AQR: variants seen among roughly 807,000 people sequenced by gnomAD.
AQR encodes RNA helicase aquarius.
AQR carries 61 observed loss-of-function variants against 180.5 expected under a neutral mutation model. The observed-to-expected ratio is 0.34, with a 90% CI of 0.28 to 0.42. The LOEUF is 0.42. AQR is among the 10% of genes least tolerant of loss of function. AQR has a pLI of 1.00. For missense variants in AQR, 1,281 were observed against 1,798.3 expected, an observed-to-expected ratio of 0.71 and a Z score of 5.20; for synonymous variants, 551 against 588.8, an observed-to-expected ratio of 0.94 and a Z score of 0.93.
intron 17 of AQR, among the ~76,000 whole-genome samples, chr15:34,909,841 A>G (rs1401191965): frequency 6.6e-6 from 1 of 152,160 alleles, no homozygotes; most frequent in East Asian, 1.9e-4. Context: ...TAAATTTAAG[A>G]CTTAAAATGC....
chr15:34,865,065 T>C (rs1453423668), intron 32 of AQR, among the ~76,000 whole-genome samples: 1 of 151,964 alleles, frequency 6.6e-6, no homozygotes, highest in Non-Finnish European at 1.5e-5. Context: ...AAACAAAGGA[T>C]GGTAACATGA....
At chr15:34,860,005 C>T in intron 34 of AQR, 37 bp downstream of exon 34, 2 of 1,105,878 alleles carry the variant, frequency 1.8e-6, no homozygotes, top group Non-Finnish European at 2.5e-6. Flanking sequence ...ATTATTTCTA[C>T]AGCAAGAAAA....
At chr15:34,867,721 A>C in intron 31 of AQR, 112 bp from the exon 32 acceptor site, 1 of 734,292 alleles carries the variant, frequency 1.4e-6, no homozygotes, top group Non-Finnish European at 2.3e-6. Flanking sequence ...ATCCCAAAAG[A>C]AACATAATCA....
At chr15:34,888,026 G>A (rs930396411) in intron 24 of AQR, among the ~76,000 whole-genome samples, 2 of 152,160 alleles carry the variant, frequency 1.3e-5, no homozygotes, top group East Asian at 1.9e-4. Flanking sequence ...GGCCGGGCAC[G>A]GTGGCTCACG....
At chr15:34,951,807 G>A (rs1225120805) in intron 4 of AQR, among the ~76,000 whole-genome samples, 1 of 151,990 alleles carries the variant, frequency 6.6e-6, no homozygotes, top group Non-Finnish European at 1.5e-5. Flanking sequence ...GTAGCCTCTT[G>A]ATTTTAATCT....
chr15:34,939,803 A>G (rs1055028849), intron 8 of AQR, among the ~76,000 whole-genome samples: 1 of 152,218 alleles, frequency 6.6e-6, no homozygotes, highest in Non-Finnish European at 1.5e-5. Flanking sequence ...CCAGGATCTG[A>G]GCTATGCTAA....
rs1892549106 is a variant in AQR at position 34,853,871 on chromosome 15, G to A, written c.*2921C>T. 1 of 152,134 alleles carries A rather than the reference G, an allele frequency of 6.6e-6. No individual in the cohort carries two copies. Among genetic ancestry groups the A allele is most frequent in the South Asian group, 2.1e-4 (1 of 4,826 alleles). The allele number at this position is 152,134 out of a possible 1,614,324, so 9.4% of individuals were successfully genotyped here. A position where few individuals can be genotyped will look rare whatever the true frequency, so the allele number is the denominator to read the frequency against. On this transcript the variant is annotated 3_prime_UTR_variant, in exon 35 of 35. Coordinates refer to ENST00000156471, the MANE Select transcript of AQR (RefSeq NM_014691.3). ...AAATTTGTCTAAGGTCTAACCAAATGCTGATAAGCAAATTAGGTACAACTC... is the reference window on the plus strand; with the variant it reads ...AAATTTGTCTAAGGTCTAACCAAATACTGATAAGCAAATTAGGTACAACTC...
chr15:34,859,997 T>C (rs1193336880), intron 34 of AQR, 45 bp downstream of exon 34: 1 of 1,057,220 alleles, frequency 9.5e-7, no homozygotes, highest in South Asian at 2.8e-5. Context: ...AAAAGAAAAT[T>C]ATTTCTACAG....
chr15:34,898,133 G>A lies in AQR; in HGVS notation c.2244-428C>T, dbSNP rs951079810. Among the ~76,000 whole-genome samples the A allele has an allele frequency of 5.9e-5, 9 of 152,166 alleles. No individual in the cohort carries two copies. The South Asian group carries it at 6.2e-4, about 11-fold the overall frequency. Reference sequence around the variant, plus strand: ...ACAGCAGAGGCCAAGTACAAGCAGCGTATTTCGCCTGGGCATAGGGTAGAG... The same window carrying A: ...ACAGCAGAGGCCAAGTACAAGCAGCATATTTCGCCTGGGCATAGGGTAGAG... On this transcript the variant is annotated intron_variant, in intron 20 of 34. Transcript: ENST00000156471.
chr15:34,963,399 T>C (rs561215463), intron 2 of AQR, among the ~76,000 whole-genome samples: 66 of 152,300 alleles, frequency 4.3e-4, no homozygotes, highest in African/African-American at 1.5e-3. Flanking sequence ...TCAATTCCCT[T>C]ATTGAATATT....
At chr15:34,914,411 G>T (rs1222422033) in intron 16 of AQR, among the ~76,000 whole-genome samples, 2 of 152,196 alleles carry the variant, frequency 1.3e-5, no homozygotes, top group East Asian at 3.8e-4. Context: ...CAGGTGGGGA[G>T]TGGAGTTTAT....
At chr15:34,863,917 G>C (rs1892706655) in intron 32 of AQR, among the ~76,000 whole-genome samples, 1 of 152,094 alleles carries the variant, frequency 6.6e-6, no homozygotes, top group African/African-American at 2.4e-5. Flanking sequence ...GATGTTTTTA[G>C]ATGGCTATTT....
At chr15:34,965,463 G>C (rs2050305421) in intron 1 of AQR, among the ~76,000 whole-genome samples, 1 of 152,124 alleles carries the variant, frequency 6.6e-6, no homozygotes, top group African/African-American at 2.4e-5. Flanking sequence ...CTGAGGTCAG[G>C]AGTTCAAGAC....
In AQR at chr15:34,868,372, A is replaced by T. The variant is rs181229019; in HGVS notation, c.3769-763T>A. On this transcript the variant is annotated intron_variant, in intron 31 of 34. Transcript: ENST00000156471. The stretch of plus-strand genomic sequence containing the variant: ...AAAGAAAGAAAAAAAGTGTATGTAC[A>T]AATAGGGAAGTTCAGAAAGGTTTCA... 11 of 152,152 alleles carry T rather than the reference A, an allele frequency of 7.2e-5. No homozygotes were observed. In the East Asian group the frequency reaches 2.1e-3, roughly 29 times the overall value. The allele number at this position is 152,152 out of a possible 1,614,324, so 9.4% of individuals were successfully genotyped here.
At chr15:34,863,204 A>G in intron 32 of AQR, 163 bp from the exon 33 acceptor site, 1 of 607,550 alleles carries the variant, frequency 1.6e-6, no homozygotes, top group Non-Finnish European at 2.7e-6. Flanking sequence ...TACGTGACTA[A>G]TAAACCAAGT....
At chr15:34,931,297 C>G (rs1893855712) in intron 11 of AQR, among the ~76,000 whole-genome samples, 1 of 152,038 alleles carries the variant, frequency 6.6e-6, no homozygotes, top group South Asian at 2.1e-4. Context: ...TGCACTCACC[C>G]CAAATCTTTA....
At chr15:34,923,904 T>G (rs1209432758) in intron 13 of AQR, among the ~76,000 whole-genome samples, 2 of 152,258 alleles carry the variant, frequency 1.3e-5, no homozygotes, top group Non-Finnish European at 2.9e-5. Context: ...ATAGTTCCTT[T>G]GCCTTTCCAT....
chr15:34,893,139 T>C (rs907932332), intron 23 of AQR, among the ~76,000 whole-genome samples: 1 of 152,174 alleles, frequency 6.6e-6, no homozygotes, highest in African/African-American at 2.4e-5. Context: ...ACAAAAAGTT[T>C]TCTCAGCAAG....
chr15:34,893,176 A>G (rs1893176738), intron 23 of AQR, among the ~76,000 whole-genome samples: 1 of 152,182 alleles, frequency 6.6e-6, no homozygotes, highest in Non-Finnish European at 1.5e-5. Context: ...GGTGGGTGCT[A>G]CCTGCGTCAG....
Sources: allele counts gnomAD v4.1 joint callset (sites outside exome capture counted in the v4.1 genomes callset), GRCh38; gene constraint gnomAD v4.1.1; transcripts MANE v1.5; gene names NCBI Gene and HGNC (gene_info 2026-07-23, HGNC 2026-07-21).